The following ACSM2A variants were observed in gnomAD, a reference collection of about 807,000 sequenced individuals.
ACSM2A encodes the protein acyl-coenzyme A synthetase ACSM2A, mitochondrial.
Under a neutral mutation model 76.6 loss-of-function variants are expected in ACSM2A, and 72 were observed. The observed-to-expected ratio is 0.94, with a 90% confidence interval of 0.78 to 1.14. The LOEUF (loss-of-function observed/expected upper bound fraction) is 1.14. Among genes scored for constraint, ACSM2A ranks in the 50% most tolerant of loss-of-function variants. The probability of loss-of-function intolerance (pLI) is 0.00; values close to 1 mark genes in which losing one functional copy is unlikely to be tolerated. For synonymous variants in ACSM2A, 249 were observed against 255.9 expected (o/e 0.97, Z 0.26); for missense variants, 684 against 708.5 (o/e 0.97, Z 0.39).
intron 12 of ACSM2A, chr16:20,482,064 G>A (rs1244027619): frequency 7.2e-6 from 1 of 139,752 alleles, no homozygotes; most frequent in Non-Finnish European, 1.5e-5. Context: ...GAACCCGGGG[G>A]GCGGAGTTTG....
Position 20,478,661 on chromosome 16 carries a change from T to G in ACSM2A, c.1265T>G (p.Ile422Ser). ...GTCAAACCCATCAGGCCTATAGGCA[T>G]CTTCTCTGGCTATGTGGTGAGAAAC... ...IRVKPIRPIG[I>S]FSGYVDNPDK... The change falls in exon 10 of 14, where the codon ATC (isoleucine) becomes AGC (serine). Residue 422 changes from isoleucine to serine, a missense_variant. Ile to Ser is a moderately radical substitution (Grantham distance 142, BLOSUM62 -2). Transcript: ENST00000573854. 2 of 1,613,044 alleles carry G rather than the reference T, an allele frequency of 1.2e-6. No individual in the cohort carries two copies. Among genetic ancestry groups the G allele is most frequent in the Non-Finnish European group, 1.7e-6 (2 of 1,179,240 alleles).
intron 2 of ACSM2A, among the ~76,000 whole-genome samples, chr16:20,461,071 C>T (rs2012591699): frequency 7.0e-6 from 1 of 143,624 alleles, no homozygotes; most frequent in Non-Finnish European, 1.5e-5. Context: ...CATCAATTGC[C>T]TTCACCTGAA....
chr16:20,454,657 C>A (rs985225812), intron 1 of ACSM2A, among the ~76,000 whole-genome samples: 5 of 151,908 alleles, frequency 3.3e-5, no homozygotes, highest in African/African-American at 9.7e-5. Context: ...AGAATCTGAA[C>A]AATAGCCTTG....
rs2014404707 is a variant in ACSM2A at position 20,486,774 on chromosome 16, G to A, written c.*96G>A. 1.4e-6 allele frequency: 2 copies of A among 1,399,230 alleles called. No individual in the cohort carries two copies. The highest frequency in any genetic ancestry group is 2.0e-6 in the Non-Finnish European group (2 of 1,007,952). The allele number at this position is 1,399,230 out of a possible 1,614,324, so 86.7% of individuals were successfully genotyped here. ...CCTATGATTATATGAGATTCTTTAT[G>A]GAAGAACATGAATATAAGTTTTGTC... is the stretch of plus-strand genomic sequence containing the variant. On this transcript the variant is annotated 3_prime_UTR_variant, in exon 14 of 14. Transcript: ENST00000573854.
chr16:20,456,664 T>A (rs7186502), intron 1 of ACSM2A, among the ~76,000 whole-genome samples: 44,379 of 134,910 alleles, frequency 0.33, 8,526 homozygotes, highest in East Asian at 0.77. Context: ...TACTAAGAGG[T>A]AAGTTCATAG....
chr16:20,481,646 G>A (rs534623241), intron 12 of ACSM2A: 3 of 146,792 alleles, frequency 2.0e-5, no homozygotes, highest in Admixed American at 6.9e-5. Context: ...CAATAAGTTC[G>A]AATGTTCAAT....
Position 20,486,821 on chromosome 16 carries a change from A to G in ACSM2A, c.*143A>G, listed in dbSNP as rs1202568542. ...TGTCTTGCCTTGGTTATTAGCACAA[A>G]ACTTTACCATGTTAGATGTTGAAAG... On this transcript the variant is annotated 3_prime_UTR_variant, in exon 14 of 14. Transcript: ENST00000573854. 2.0e-6 allele frequency: 2 copies of G among 985,538 alleles called. No individual in the cohort carries two copies. Among genetic ancestry groups the G allele is most frequent in the African/African-American group, 1.6e-5 (1 of 61,348 alleles). The allele number at this position is 985,538 out of a possible 1,614,324, so 61.0% of individuals were successfully genotyped here.
chr16:20,474,643 G>A (rs1165177325), intron 6 of ACSM2A, among the ~76,000 whole-genome samples: 2 of 152,196 alleles, frequency 1.3e-5, no homozygotes, highest in Non-Finnish European at 2.9e-5. Flanking sequence ...ATGGGATGGA[G>A]ATGGTGTTAT....
chr16:20,460,314 C>G, intron 2 of ACSM2A, 23 bp downstream of exon 2: 1 of 1,612,696 alleles, frequency 6.2e-7, no homozygotes, highest in Non-Finnish European at 8.5e-7. Context: ...AAAAGAGGCA[C>G]AGAGTGAGAC....
At chr16:20,485,545 C>T (rs1450560194) in intron 13 of ACSM2A, among the ~76,000 whole-genome samples, 1 of 152,210 alleles carries the variant, frequency 6.6e-6, no homozygotes, top group Admixed American at 6.5e-5. Context: ...CTCAACTTTG[C>T]CCATGCAATG....
Position 20,458,507 on chromosome 16 carries a change from T to C in ACSM2A, c.-8-1600T>C, listed in dbSNP as rs957236106. Among the ~76,000 whole-genome samples the C allele has an allele frequency of 2.1e-5, 3 of 145,494 alleles. No individual in the cohort carries two copies. In the South Asian group the frequency reaches 6.3e-4, roughly 31 times the overall value. On this transcript the variant is annotated intron_variant, in intron 1 of 13. Coordinates refer to ENST00000573854, the MANE Select transcript of ACSM2A (RefSeq NM_001308172.2). Reference sequence around the variant, plus strand: ...TATTATATAATACATAATATTACATTATATATTATATAATGTGTTATATAC... The same window carrying C: ...TATTATATAATACATAATATTACATCATATATTATATAATGTGTTATATAC...
chr16:20,472,950 A>T (rs754136091), intron 6 of ACSM2A, among the ~76,000 whole-genome samples: 51 of 152,192 alleles, frequency 3.4e-4, no homozygotes, highest in Non-Finnish European at 5.7e-4. Flanking sequence ...AATAAATGGA[A>T]TTTTTTCCTG....
intron 12 of ACSM2A, chr16:20,481,864 T>TA (rs1387072074): frequency 1.9e-5 from 2 of 106,000 alleles, no homozygotes; most frequent in Non-Finnish European, 4.2e-5. Context: ...TATGAAATGA[T>TA]AAAAACTTTT....
chr16:20,486,237 G>C (rs1286648295), intron 13 of ACSM2A, among the ~76,000 whole-genome samples: 2 of 152,246 alleles, frequency 1.3e-5, no homozygotes, highest in African/African-American at 4.8e-5. Flanking sequence ...TCTTAGCAAA[G>C]CCAAGGACCT....
chr16:20,469,811 A>G (rs564067947), intron 4 of ACSM2A, 92 bp downstream of exon 4: 232 of 1,565,082 alleles, frequency 1.5e-4, no homozygotes, highest in Non-Finnish European at 1.8e-4. Flanking sequence ...GGAGGTGCAG[A>G]AAGAACAGCA....
chr16:20,452,824 A>G (rs1212003785), intron 1 of ACSM2A, among the ~76,000 whole-genome samples: 2 of 151,390 alleles, frequency 1.3e-5, no homozygotes, highest in Non-Finnish European at 2.9e-5. Context: ...CCTTGGTGTG[A>G]ACTGTTTAAA....
At chr16:20,476,904 T>A (rs1469522419) in intron 8 of ACSM2A, 1 of 194,222 alleles carries the variant, frequency 5.1e-6, no homozygotes, top group Non-Finnish European at 9.4e-6. Context: ...ACTTCATTCT[T>A]CATGATGTGA....
intron 1 of ACSM2A, among the ~76,000 whole-genome samples, chr16:20,455,244 C>T (rs979589545): frequency 2.0e-5 from 3 of 151,050 alleles, no homozygotes; most frequent in African/African-American, 7.3e-5. Flanking sequence ...TCAAGGAAAA[C>T]TTTCCCAGCC....
chr16:20,459,245 C>A (rs915236588), intron 1 of ACSM2A, among the ~76,000 whole-genome samples: 1 of 151,912 alleles, frequency 6.6e-6, no homozygotes, highest in African/African-American at 2.4e-5. Context: ...GGGTGCACAA[C>A]AATGTCACAA....
Sources: allele counts gnomAD v4.1 joint callset (sites outside exome capture counted in the v4.1 genomes callset), GRCh38; gene constraint gnomAD v4.1.1; transcripts MANE v1.5; gene names NCBI Gene and HGNC (gene_info 2026-07-23, HGNC 2026-07-21).